STK24: variants seen among roughly 807,000 people sequenced by gnomAD.
STK24 encodes serine/threonine kinase 24.
A neutral mutation model predicts 55.6 loss-of-function variants in STK24; 21 were observed. The ratio of observed to expected loss-of-function variants is 0.38; its 90% CI spans 0.27 to 0.54. The LOEUF (loss-of-function observed/expected upper bound fraction) is 0.54. Ranked by LOEUF, STK24 falls within the 20% of genes least tolerant of loss-of-function variation. The pLI is 0.79. For synonymous variants in STK24, 200 were observed against 215.2 expected (o/e 0.93, Z 0.62); for missense variants, 383 against 538.4 (o/e 0.71, Z 2.86).
intron 2 of STK24, among the ~76,000 whole-genome samples, chr13:98,501,188 G>A (rs545795709): frequency 6.6e-6 from 1 of 152,338 alleles, no homozygotes; most frequent in South Asian, 2.1e-4. Context: ...CTGAAGTCGG[G>A]TTCGCTTGCA....
chr13:98,548,276 GT>G (rs527826589), intron 1 of STK24, among the ~76,000 whole-genome samples: 1 of 152,012 alleles, frequency 6.6e-6, no homozygotes, highest in Non-Finnish European at 1.5e-5. Flanking sequence ...CAAAAACAAA[GT>G]TTTTTTTAAA....
intron 8 of STK24, 25 bp downstream of exon 8, chr13:98,461,749 G>T (rs1893714177): frequency 6.2e-7 from 1 of 1,610,430 alleles, no homozygotes; most frequent in Non-Finnish European, 8.5e-7. Flanking sequence ...GGTCAGCGTG[G>T]CCATTCTGGA....
Position 98,450,048 on chromosome 13 carries a change from T to G in STK24, c.*3125A>C, listed in dbSNP as rs1461062367. On this transcript the variant is annotated 3_prime_UTR_variant, in exon 11 of 11. Transcript: ENST00000539966. Reference sequence around the variant, plus strand: ...AGCTATTTATTTCTGAATGATTGATTGATTCCAAACTACTTGCTGGACACT... The same window carrying G: ...AGCTATTTATTTCTGAATGATTGATGGATTCCAAACTACTTGCTGGACACT... 1 of 152,142 alleles carries G rather than the reference T, an allele frequency of 6.6e-6. No individual in the cohort carries two copies. Among genetic ancestry groups the G allele is most frequent in the Non-Finnish European group, 1.5e-5 (1 of 68,010 alleles). The allele number at this position is 152,142 out of a possible 1,614,324, so 9.4% of individuals were successfully genotyped here.
intron 1 of STK24, among the ~76,000 whole-genome samples, chr13:98,547,153 C>G (rs1447590446): frequency 6.6e-6 from 1 of 152,130 alleles, no homozygotes; most frequent in Non-Finnish European, 1.5e-5. Flanking sequence ...ACCTCGTGAT[C>G]CACCCGCCTC....
chr13:98,448,310 T>G lies in STK24; in HGVS notation c.*4863A>C. ...GTGTTGAGTCACAAAGAGTCTCTTG[T>G]GTATTGATGGCCGGACACACTCGTT... On this transcript the variant is annotated 3_prime_UTR_variant, in exon 11 of 11. Coordinates refer to ENST00000539966, the MANE Select transcript of STK24 (RefSeq NM_001032296.4). 6.2e-7 allele frequency: 1 copy of G among 1,612,804 alleles called. No homozygotes were observed. The highest frequency in any genetic ancestry group is 8.5e-7 in the Non-Finnish European group (1 of 1,178,742).
At position 98,481,292 on chromosome 13, in the gene STK24, T is replaced by TA. The variant is rs1894569941; in HGVS notation, c.330+972dup. On this transcript the variant is annotated intron_variant, in intron 3 of 10. Coordinates refer to ENST00000539966, the MANE Select transcript of STK24 (RefSeq NM_001032296.4). ...CAAAACCCAATAGGAAGCCATGTTT[T>TA]ACACAAGCAAATCACAGACCAGGAC... 3.9e-5 allele frequency among the ~76,000 whole-genome samples: 6 copies of TA among 152,212 alleles called. No individual in the cohort carries two copies. The South Asian group carries it at 1.2e-3, about 31-fold the overall frequency.
rs1358284771 is a variant in STK24 at position 98,446,652 on chromosome 13, T to C, written c.*6521A>G. Reference sequence around the variant, plus strand: ...GACCCCGAAAAGCCACTTTGCTTTGTTTCCCCTTTCCAGGACAATCATCCC... The same window carrying C: ...GACCCCGAAAAGCCACTTTGCTTTGCTTCCCCTTTCCAGGACAATCATCCC... On this transcript the variant is annotated 3_prime_UTR_variant, in exon 11 of 11. Transcript: ENST00000539966. 5 of 1,613,418 alleles carry C rather than the reference T, an allele frequency of 3.1e-6. No homozygotes were observed. The highest frequency in any genetic ancestry group is 1.7e-5 in the Admixed American group (1 of 59,968).
chr13:98,523,591 C>G (rs1167454718), intron 1 of STK24, among the ~76,000 whole-genome samples: 1 of 152,156 alleles, frequency 6.6e-6, no homozygotes, highest in African/African-American at 2.4e-5. Flanking sequence ...AGCTGGCAAT[C>G]GAAAATGGTG....
chr13:98,561,903 G>A (rs138085521), intron 1 of STK24, among the ~76,000 whole-genome samples: 16 of 149,974 alleles, frequency 1.1e-4, no homozygotes, highest in African/African-American at 3.9e-4. Context: ...CTTGAACCCG[G>A]GAGGTGGAGG....
chr13:98,462,617 C>A (rs192896084), intron 7 of STK24, among the ~76,000 whole-genome samples: 1 of 152,236 alleles, frequency 6.6e-6, no homozygotes, highest in East Asian at 1.9e-4. Context: ...CCCCCACATG[C>A]CCCAACTGAC....
rs1361446641 is a variant in STK24, at chr13:98,451,094, TG to T, written c.*2078del. On this transcript the variant is annotated 3_prime_UTR_variant, in exon 11 of 11. Coordinates refer to ENST00000539966, the MANE Select transcript of STK24 (RefSeq NM_001032296.4). The stretch of plus-strand genomic sequence containing the variant: ...CCAGTCCCTCGAGCGGCTCACCCAC[TG>T]TTACTAGCATGAGACTGGCTTCAGT... 6.6e-6 allele frequency: 1 copy of T among 152,212 alleles called. No individual in the cohort carries two copies. The highest frequency in any genetic ancestry group is 1.5e-5 in the Non-Finnish European group (1 of 68,038). The allele number at this position is 152,212 out of a possible 1,614,324, so 9.4% of individuals were successfully genotyped here.
intron 2 of STK24, among the ~76,000 whole-genome samples, chr13:98,507,835 A>T (rs1383991609): frequency 6.6e-6 from 1 of 152,070 alleles, no homozygotes; most frequent in Non-Finnish European, 1.5e-5. Context: ...CTCCCCTCTA[A>T]CTAGGTCTTG....
chr13:98,530,482 C>T (rs981241225), intron 1 of STK24, among the ~76,000 whole-genome samples: 4 of 152,058 alleles, frequency 2.6e-5, no homozygotes, highest in Admixed American at 6.6e-5. Context: ...GTGCCCTCTA[C>T]GGAGGAGGCA....
At chr13:98,553,149 T>C (rs1341933909) in intron 1 of STK24, 1 of 152,198 alleles carries the variant, frequency 6.6e-6, no homozygotes, top group Admixed American at 6.5e-5. Context: ...TAAAAAATAA[T>C]GACAGCCACC....
intron 1 of STK24, among the ~76,000 whole-genome samples, chr13:98,564,055 A>G (rs1444395002): frequency 1.3e-5 from 2 of 152,170 alleles, no homozygotes; most frequent in South Asian, 2.1e-4. Flanking sequence ...AATGGGGGGG[A>G]GAGATAACAG....
At chr13:98,471,986 G>A (rs1894170594) in intron 5 of STK24, among the ~76,000 whole-genome samples, 1 of 152,172 alleles carries the variant, frequency 6.6e-6, no homozygotes, top group South Asian at 2.1e-4. Flanking sequence ...GGAAAGCTGG[G>A]AAGCAGCTGA....
intron 1 of STK24, among the ~76,000 whole-genome samples, chr13:98,564,512 C>T (rs746138332): frequency 3.9e-5 from 6 of 152,068 alleles, no homozygotes; most frequent in Non-Finnish European, 7.3e-5. Flanking sequence ...CTGAGCCCAC[C>T]CAGGGCAGAG....
intron 1 of STK24, among the ~76,000 whole-genome samples, chr13:98,557,865 A>G (rs1165353033): frequency 2.0e-5 from 3 of 151,890 alleles, no homozygotes; most frequent in East Asian, 3.9e-4. Context: ...TTTTCCAAAC[A>G]CTCTGTGCCA....
intron 3 of STK24, among the ~76,000 whole-genome samples, chr13:98,476,253 C>T (rs529792523): frequency 1.9e-4 from 28 of 148,058 alleles, no homozygotes; most frequent in African/African-American, 6.3e-4. Context: ...CCCCCCCGCC[C>T]CCTGCAGAGT....
Sources: gnomAD v4.1 joint callset for allele counts (sites outside exome capture counted in the v4.1 genomes callset) on GRCh38, gnomAD v4.1.1 for gene constraint, MANE v1.5 for transcripts, NCBI Gene and HGNC (gene_info 2026-07-23, HGNC 2026-07-21) for gene names.